Variants in VEGFA observed in about 807,000 individuals in gnomAD.
The protein encoded by VEGFA is vascular endothelial growth factor A.
In VEGFA, 20 loss-of-function variants were observed where a neutral mutation model predicts 49.7. That is an observed-to-expected ratio of 0.40 (90% CI 0.28 to 0.58). The LOEUF is 0.58. Ranked by LOEUF, VEGFA falls within the 20% of genes least tolerant of loss-of-function variation. The pLI is 0.40. For synonymous variants in VEGFA, 219 were observed against 223.4 expected, an observed-to-expected ratio of 0.98 and a Z score of 0.18; for missense variants, 505 against 553.5, an observed-to-expected ratio of 0.91 and a Z score of 0.88.
intron 2 of VEGFA, chr6:43,775,377 A>C (rs1217752063): frequency 6.6e-6 from 1 of 152,270 alleles, no homozygotes. Context: ...AAAACCACGA[A>C]AGCCTGGTTG....
At chr6:43,780,162 C>A (rs1192058571) in intron 5 of VEGFA, 2 of 215,076 alleles carry the variant, frequency 9.3e-6, no homozygotes, top group African/African-American at 2.3e-5. Context: ...TCCGTGCCAG[C>A]TCCCAAGGTA....
At position 43,771,272 on chromosome 6, in the gene VEGFA, A is replaced by G. The variant is rs767279692; in HGVS notation, c.566A>G (p.His189Arg). The stretch of plus-strand genomic sequence containing the variant: ...ATGAACTTTCTGCTGTCTTGGGTGC[A>G]TTGGAGCCTTGCCTTGCTGCTCTAC... The change falls in exon 1 of 8, where the codon CAT (histidine) becomes CGT (arginine). Residue 189 changes from histidine to arginine, a missense_variant. This residue lies in a region of VEGFA where 340 missense variants were observed against 321.8 expected (regional missense o/e 1.06). Coordinates refer to ENST00000672860, the MANE Select transcript of VEGFA (RefSeq NM_003376.6). 1 of 1,607,302 alleles carries G rather than the reference A, an allele frequency of 6.2e-7. No individual in the cohort carries two copies. The highest frequency in any genetic ancestry group is 8.5e-7 in the Non-Finnish European group (1 of 1,177,548).
rs1769440456 is a variant in VEGFA, at chr6:43,786,296, T to G, written c.*1734T>G. Reference sequence around the variant, plus strand: ...TTTTAATTTTAATATTTGTTATCATTTATTTATTGGTGCTACTGTTTATCC... The same window carrying G: ...TTTTAATTTTAATATTTGTTATCATGTATTTATTGGTGCTACTGTTTATCC... On this transcript the variant is annotated 3_prime_UTR_variant, in exon 8 of 8. Coordinates refer to ENST00000672860, the MANE Select transcript of VEGFA (RefSeq NM_003376.6). 1.1e-5 allele frequency: 2 copies of G among 179,994 alleles called. No individual in the cohort carries two copies. Among genetic ancestry groups the G allele is most frequent in the Non-Finnish European group, 2.4e-5 (2 of 83,840 alleles). The allele number at this position is 179,994 out of a possible 1,614,324, so 11.1% of individuals were successfully genotyped here. A position where few individuals can be genotyped will look rare whatever the true frequency, so the allele number is the denominator to read the frequency against.
In VEGFA at chr6:43,770,794, C is replaced by G. The variant is rs756210326; in HGVS notation, c.88C>G (p.Arg30Gly). 250 of 1,487,046 alleles carry G rather than the reference C, an allele frequency of 1.7e-4. 1 individual carries two copies. Among genetic ancestry groups the G allele is most frequent in the Non-Finnish European group, 3.6e-5 (40 of 1,122,778 alleles). 92.1% of individuals were successfully genotyped at this position (1,487,046 alleles called of 1,614,324 possible). ...GCGGACAGTGGACGCGGCGGCGAGC[C>G]GCGGGCAGGGGCCGGAGCCCGCGCC... is the stretch of plus-strand genomic sequence containing the variant. Residue 30 changes from arginine (R) to glycine (G), a missense_variant, in exon 1 of 8, where the codon CGC becomes GGC. Arg to Gly is a moderately radical substitution (Grantham distance 125). Transcript: ENST00000672860.
At position 43,786,418 on chromosome 6, in the gene VEGFA, C is replaced by A; in HGVS notation, c.*1856C>A. On this transcript the variant is annotated 3_prime_UTR_variant, in exon 8 of 8. Transcript: ENST00000672860. ...GTACATATTTATTTTTAAACAACGACAAAGAAATACAGATATATCTTAAAA... is the reference window on the plus strand; with the variant it reads ...GTACATATTTATTTTTAAACAACGAAAAAGAAATACAGATATATCTTAAAA... The A allele has an allele frequency of 5.9e-6, 1 of 169,910 alleles. No individual in the cohort carries two copies. Among genetic ancestry groups the A allele is most frequent in the Non-Finnish European group, 1.3e-5 (1 of 78,424 alleles). The allele number at this position is 169,910 out of a possible 1,614,324, so 10.5% of individuals were successfully genotyped here.
chr6:43,780,707 C>G, intron 5 of VEGFA, 25 bp from the exon 6 acceptor site: 1 of 1,607,074 alleles, frequency 6.2e-7, no homozygotes, highest in African/African-American at 1.3e-5. Flanking sequence ...CGCTCTCTCT[C>G]TGTCTCTGTT....
chr6:43,772,222 T>C (rs2128000914), intron 1 of VEGFA: 1 of 274,790 alleles, frequency 3.6e-6, no homozygotes, highest in Admixed American at 6.5e-5. Flanking sequence ...CATTTCCTTT[T>C]TAGCCTGGAG....
At chr6:43,781,299 C>T (rs914599459) in intron 6 of VEGFA, 6 of 283,668 alleles carry the variant, frequency 2.1e-5, no homozygotes, top group African/African-American at 4.4e-5. Context: ...CACCATGTGG[C>T]GGCCTCCCTT....
At chr6:43,778,392 A>T in intron 3 of VEGFA, 68 bp from the exon 4 acceptor site, 1 of 1,405,200 alleles carries the variant, frequency 7.1e-7, no homozygotes, top group Non-Finnish European at 1.0e-6. Flanking sequence ...CAGGAGCCCC[A>T]GGGTTGTCCC....
At chr6:43,771,543 G>C (rs191171448) in intron 1 of VEGFA, among the ~76,000 whole-genome samples, 1 of 152,248 alleles carries the variant, frequency 6.6e-6, no homozygotes. Context: ...CCCACCCACC[G>C]GAGTCACCGC....
At chr6:43,778,156 A>C in intron 3 of VEGFA, 3 of 523,094 alleles carry the variant, frequency 5.7e-6, no homozygotes, top group Non-Finnish European at 1.0e-5. Context: ...CCTAGAGAGG[A>C]TGAAAGAAGG....
At position 43,784,794 on chromosome 6, in the gene VEGFA, C is replaced by T; in HGVS notation, c.*232C>T. On this transcript the variant is annotated 3_prime_UTR_variant, in exon 8 of 8. Coordinates refer to ENST00000672860, the MANE Select transcript of VEGFA (RefSeq NM_003376.6). ...CGGAAGCATTCCCGGGCGGGTGACC[C>T]AGCACGGTCCCTCTTGGAATTGGAT... The T allele has an allele frequency of 1.4e-6, 1 of 706,162 alleles. No homozygotes were observed. Among genetic ancestry groups the T allele is most frequent in the Non-Finnish European group, 2.5e-6 (1 of 392,764 alleles). 43.7% of individuals were successfully genotyped at this position (706,162 alleles called of 1,614,324 possible).
Position 43,770,817 on chromosome 6 carries a change from G to A in VEGFA, c.111G>A (p.Ala37=), listed in dbSNP as rs1338521172. The A allele has an allele frequency of 1.3e-6, 2 of 1,512,886 alleles. No individual in the cohort carries two copies. Among genetic ancestry groups the A allele is most frequent in the Non-Finnish European group, 1.8e-6 (2 of 1,132,728 alleles). The allele number at this position is 1,512,886 out of a possible 1,614,324, so 93.7% of individuals were successfully genotyped here. A position where few individuals can be genotyped will look rare whatever the true frequency, so the allele number is the denominator to read the frequency against. The change falls in exon 1 of 8, where the codon GCG becomes GCA. Residue 37 remains alanine (A), a synonymous_variant. Coordinates refer to ENST00000672860, the MANE Select transcript of VEGFA (RefSeq NM_003376.6). ...GCCGCGGGCAGGGGCCGGAGCCCGC[G>A]CCCGGAGGCGGGGTGGAGGGGGTCG... is the stretch of plus-strand genomic sequence containing the variant.
intron 5 of VEGFA, 82 bp downstream of exon 5, chr6:43,779,000 G>A: frequency 1.3e-6 from 2 of 1,571,808 alleles, no homozygotes; most frequent in Non-Finnish European, 1.8e-6. Flanking sequence ...TCTGTTGGGG[G>A]CTCCCATAGC....
chr6:43,774,606 C>G, intron 2 of VEGFA: 2 of 614,232 alleles, frequency 3.3e-6, no homozygotes, highest in South Asian at 3.9e-5. Context: ...GACTTGTTGC[C>G]TTTTTCTTCT....
intron 1 of VEGFA, 56 bp from the exon 2 acceptor site, chr6:43,774,285 G>A: frequency 1.3e-6 from 2 of 1,596,730 alleles, no homozygotes; most frequent in Non-Finnish European, 1.7e-6. Flanking sequence ...GGGTGGCTGG[G>A]CCTGTGCACC....
At chr6:43,782,210 T>C in intron 7 of VEGFA, 123 bp downstream of exon 7, 1 of 1,421,180 alleles carries the variant, frequency 7.0e-7, no homozygotes, top group African/African-American at 1.4e-5. Flanking sequence ...AGCTGCTTGC[T>C]CAGTTTCTAG....
intron 7 of VEGFA, chr6:43,782,311 G>A: frequency 1.7e-6 from 1 of 587,850 alleles, no homozygotes; most frequent in Non-Finnish European, 2.9e-6. Flanking sequence ...CCTGTTCCGA[G>A]GTTGCCCTGG....
chr6:43,784,020 A>G, intron 7 of VEGFA: 1 of 201,384 alleles, frequency 5.0e-6, no homozygotes, highest in South Asian at 9.0e-5. Flanking sequence ...TCCTGTCCCC[A>G]GGGCAGGCCC....
Sources: gnomAD v4.1 joint callset for allele counts (sites outside exome capture counted in the v4.1 genomes callset) on GRCh38, gnomAD v4.1.1 for gene constraint, gnomAD v4.1.1 regional missense constraint, MANE v1.5 for transcripts, NCBI Gene and HGNC (gene_info 2026-07-23, HGNC 2026-07-21) for gene names.